MYO15B: variants seen among roughly 807,000 people sequenced by gnomAD.
MYO15B encodes myosin XVB, also known as myosin XVB pseudogene.
A neutral mutation model predicts 119.3 loss-of-function variants in MYO15B; 207 were observed. The observed-to-expected ratio is 1.73, with a 90% confidence interval of 1.55 to 1.95. The LOEUF (loss-of-function observed/expected upper bound fraction) is 1.95, where lower values mean the gene tolerates loss of function less well. Ranked by LOEUF, MYO15B falls within the 30% of genes most tolerant of loss-of-function variation. The probability of loss-of-function intolerance (pLI) is 0.00; values close to 1 mark genes in which losing one functional copy is unlikely to be tolerated. For synonymous variants in MYO15B, 966 were observed against 498.9 expected (o/e 1.94, Z -12.48); for missense variants, 2,264 against 1,203.1 (o/e 1.88, Z -13.04).
intron 4 of MYO15B, 97 bp from the exon 5 acceptor site, chr17:75,591,504 A>G (rs1337482523): frequency 2.3e-5 from 16 of 686,480 alleles, no homozygotes; most frequent in Non-Finnish European, 3.7e-5. Flanking sequence ...TCTCCAGGCT[A>G]GCTGTCACTT....
In MYO15B at chr17:75,620,628, GC is replaced by G; in HGVS notation, c.7719del (p.Ser2574GlnfsTer86). 4.3e-6 allele frequency: 3 copies of G among 699,942 alleles called. No individual in the cohort carries two copies. Among genetic ancestry groups the G allele is most frequent in the Non-Finnish European group, 7.8e-6 (3 of 382,548 alleles). 43.4% of individuals were successfully genotyped at this position (699,942 alleles called of 1,614,324 possible). On this transcript the variant is annotated frameshift_variant, in exon 49 of 64. Coordinates refer to ENST00000645453, the Ensembl canonical transcript of MYO15B. LOFTEE classifies it high-confidence loss of function. ...ACCAGGGCTGGCTCGGTGGGACAGG[GC>G]CTCAGAGGTGAGGAAGATGGGAGAG...
chr17:75,594,697 C>A lies in MYO15B; in HGVS notation c.3106-4C>A, dbSNP rs1186895610. ...ACACCAGCTGTGCCTCCTCTGCCCT[C>A]CAGGAGACGCCCTATGGCCAGGTCT... On this transcript the variant is annotated splice_polypyrimidine_tract_variant and splice_region_variant and intron_variant, in intron 10 of 63. Transcript: ENST00000645453. The A allele has an allele frequency of 2.8e-6, 2 of 703,068 alleles. No individual in the cohort carries two copies. Among genetic ancestry groups the A allele is most frequent in the Non-Finnish European group, 5.2e-6 (2 of 384,996 alleles). 43.6% of individuals were successfully genotyped at this position (703,068 alleles called of 1,614,324 possible).
exon 28 of MYO15B, chr17:75,613,293 G>A: frequency 1.5e-6 from 1 of 669,724 alleles, no homozygotes; most frequent in Admixed American, 2.2e-5. Flanking sequence ...CGCCCTGCAG[G>A]TTCGTGTCTG....
chr17:75,589,170 G>A lies in MYO15B; in HGVS notation c.1113G>A (p.Ala371=). The A allele has an allele frequency of 2.5e-6, 1 of 393,600 alleles. No homozygotes were observed. The highest frequency in any genetic ancestry group is 4.5e-6 in the Non-Finnish European group (1 of 223,062). 24.4% of individuals were successfully genotyped at this position (393,600 alleles called of 1,614,324 possible). The change falls in exon 1 of 64, where the codon GCG becomes GCA. Residue 371 remains alanine (A), a synonymous_variant. Coordinates refer to ENST00000645453, the Ensembl canonical transcript of MYO15B. This position sits in a 1 kb window ranked among gnomAD's most constrained non-coding sequence, Gnocchi z 4.2. ...TCAAGGAGCGGCTCCTGAGTGTAGC[G>A]CGAGCCCTGGGCCTCCTGCGCTGGC... is the stretch of plus-strand genomic sequence containing the variant.
rs553358425 is a variant in MYO15B, at chr17:75,603,173, G to A, written c.3892-15G>A. 27 of 703,132 alleles carry A rather than the reference G, an allele frequency of 3.8e-5. No homozygotes were observed. In the South Asian group the frequency reaches 4.0e-4, roughly 10 times the overall value. 43.6% of individuals were successfully genotyped at this position (703,132 alleles called of 1,614,324 possible). A position where few individuals can be genotyped will look rare whatever the true frequency, so the allele number is the denominator to read the frequency against. On this transcript the variant is annotated splice_polypyrimidine_tract_variant and intron_variant, in intron 18 of 63. Coordinates refer to ENST00000645453, the Ensembl canonical transcript of MYO15B. The stretch of plus-strand genomic sequence containing the variant: ...CTTGACTCCAGCTGTCTTTGGCTCT[G>A]TCTTGTGGCCACAGCTTCCAGGCCT...
In MYO15B at chr17:75,625,252, C is replaced by T. The variant is rs756009994; in HGVS notation, c.8804+14C>T. The stretch of plus-strand genomic sequence containing the variant: ...TACCCCCTCAGGGTGAGTGGAGGCA[C>T]CTCCCGCCCCTAAGCCCCTCCCCTT... On this transcript the variant is annotated intron_variant, in intron 60 of 63. Transcript: ENST00000645453. The T allele has an allele frequency of 1.0e-5, 7 of 689,142 alleles. No individual in the cohort carries two copies. Among genetic ancestry groups the T allele is most frequent in the South Asian group, 3.0e-5 (2 of 65,960 alleles). The allele number at this position is 689,142 out of a possible 1,614,324, so 42.7% of individuals were successfully genotyped here.
rs948901371 is a variant in MYO15B, at chr17:75,624,790, G to A, written c.8562G>A (p.Leu2854=). Residue 2854 remains leucine, a synonymous_variant, in exon 59 of 64, where the codon CTG becomes CTA. Transcript: ENST00000645453. ...ATGCAGGCCAGCTGGTGCGGCCCCT[G>A]CAGCCCGCCGAATACCTCAACAGCG... The A allele has an allele frequency of 2.8e-5, 20 of 702,860 alleles. No individual in the cohort carries two copies. The African/African-American group carries it at 3.5e-4, about 12-fold the overall frequency. 43.5% of individuals were successfully genotyped at this position (702,860 alleles called of 1,614,324 possible).
intron 24 of MYO15B, 53 bp downstream of exon 24, chr17:75,611,711 G>A (rs2058040645): frequency 2.8e-6 from 2 of 702,176 alleles, no homozygotes; most frequent in Non-Finnish European, 2.6e-6. Flanking sequence ...TCCCTTTACT[G>A]TGGGGTGTGT....
At chr17:75,615,982 C>T (rs2085457024) in intron 36 of MYO15B, 87 bp from the exon 37 acceptor site, 9 of 596,618 alleles carry the variant, frequency 1.5e-5, no homozygotes, top group Non-Finnish European at 2.7e-5. Context: ...AGGGAAGAGG[C>T]TGCTGGCCCA....
exon 51 of MYO15B, chr17:75,621,383 C>T (rs753826713): frequency 5.7e-6 from 4 of 701,628 alleles, no homozygotes; most frequent in South Asian, 3.0e-5. Flanking sequence ...GGAAAGGACA[C>T]GGACAGCCTG....
At chr17:75,614,350 C>G (rs1284656786) in exon 30 of MYO15B, 6 of 702,444 alleles carry the variant, frequency 8.5e-6, no homozygotes, top group Non-Finnish European at 1.6e-5. Context: ...CCCCATCACT[C>G]CTCTTGGCTC....
intron 1 of MYO15B, 121 bp downstream of exon 1, chr17:75,590,364 C>CCAA: frequency 2.5e-6 from 1 of 398,382 alleles, no homozygotes; most frequent in East Asian, 3.6e-5. Flanking sequence ...TGGGCTTGAA[C>CCAA]CCTCCTGGCA....
At chr17:75,607,495 G>C (rs1313479648) in intron 21 of MYO15B, among the ~76,000 whole-genome samples, 1 of 150,978 alleles carries the variant, frequency 6.6e-6, no homozygotes, top group African/African-American at 2.4e-5. Context: ...CTGTTGCCCA[G>C]GCTGGAATGC....
intron 30 of MYO15B, 95 bp from the exon 31 acceptor site, chr17:75,614,488 C>T (rs1333509727): frequency 1.5e-6 from 1 of 671,850 alleles, no homozygotes; most frequent in Admixed American, 2.1e-5. Flanking sequence ...TCCTCCCAAC[C>T]ATGGGGTGAC....
exon 27 of MYO15B, chr17:75,613,078 G>A (rs763126952): frequency 5.7e-6 from 4 of 702,488 alleles, no homozygotes; most frequent in Non-Finnish European, 5.2e-6. Flanking sequence ...TGCGGAATGA[G>A]CTCTTTAGCC....
chr17:75,611,938 T>TCCTGC lies in MYO15B; in HGVS notation c.4560_4564dup (p.Arg1522LeufsTer6). ...TCACCGAGTGCCTGCCGCCTGAGGT[T>TCCTGC]CCTGCCCGGCCCAGCCTGACTCTCC... On this transcript the variant is annotated frameshift_variant, in exon 25 of 64. Coordinates refer to ENST00000645453, the Ensembl canonical transcript of MYO15B. LOFTEE classifies it high-confidence loss of function. 1.4e-6 allele frequency: 1 copy of TCCTGC among 702,994 alleles called. No homozygotes were observed. Among genetic ancestry groups the TCCTGC allele is most frequent in the Non-Finnish European group, 2.6e-6 (1 of 384,998 alleles). The allele number at this position is 702,994 out of a possible 1,614,324, so 43.5% of individuals were successfully genotyped here. A position where few individuals can be genotyped will look rare whatever the true frequency, so the allele number is the denominator to read the frequency against.
At position 75,603,417 on chromosome 17, in the gene MYO15B, TG is replaced by T. The variant is rs1399396876; in HGVS notation, c.4016+108del. 9.3e-6 allele frequency: 6 copies of T among 642,730 alleles called. No individual in the cohort carries two copies. In the East Asian group the frequency reaches 1.4e-4, roughly 15 times the overall value. 39.8% of individuals were successfully genotyped at this position (642,730 alleles called of 1,614,324 possible). The stretch of plus-strand genomic sequence containing the variant: ...GAGATGGACTCACTCTGCCCAGGAC[TG>T]GGCCTAGCACCCAACCCTCCCTCTC... On this transcript the variant is annotated intron_variant, in intron 19 of 63. Transcript: ENST00000645453.
At position 75,591,974 on chromosome 17, in the gene MYO15B, C is replaced by A. The variant is rs767290519; in HGVS notation, c.2548-3C>A. Reference sequence around the variant, plus strand: ...GGATGCTTGAACACCCCTCCCTGTACAGGTGGAGGATATGCTGCCTATACT... The same window carrying A: ...GGATGCTTGAACACCCCTCCCTGTAAAGGTGGAGGATATGCTGCCTATACT... On this transcript the variant is annotated splice_polypyrimidine_tract_variant and splice_region_variant and intron_variant, in intron 5 of 63. Transcript: ENST00000645453. 4.3e-6 allele frequency: 3 copies of A among 702,382 alleles called. No individual in the cohort carries two copies. In the South Asian group the frequency reaches 4.4e-5, roughly 10 times the overall value. The allele number at this position is 702,382 out of a possible 1,614,324, so 43.5% of individuals were successfully genotyped here. A position where few individuals can be genotyped will look rare whatever the true frequency, so the allele number is the denominator to read the frequency against.
At chr17:75,601,559 A>G (rs756490989) in exon 15 of MYO15B, 6 of 702,946 alleles carry the variant, frequency 8.5e-6, no homozygotes, top group South Asian at 5.9e-5. Context: ...ACTGTCACCT[A>G]CCAGGTACCT....
Sources: allele counts gnomAD v4.1 joint callset (sites outside exome capture counted in the v4.1 genomes callset), GRCh38; gene constraint gnomAD v4.1.1; non-coding constraint Gnocchi (gnomAD v3.1); transcripts MANE v1.5; gene names NCBI Gene and HGNC (gene_info 2026-07-23, HGNC 2026-07-21).